Variants in SGMS1 observed in about 807,000 individuals in gnomAD.
SGMS1 encodes phosphatidylcholine:ceramide cholinephosphotransferase 1.
In SGMS1, 13 loss-of-function variants were observed where a neutral mutation model predicts 46.2. The ratio of observed to expected loss-of-function variants is 0.28; its 90% confidence interval spans 0.18 to 0.45. SGMS1 has a LOEUF of 0.45. Ranked by LOEUF, SGMS1 falls within the 20% of genes least tolerant of loss-of-function variation. SGMS1 has a pLI of 1.00. For synonymous variants in SGMS1, 203 were observed against 187.8 expected (o/e 1.08, Z -0.66); for missense variants, 324 against 519.9 (o/e 0.62, Z 3.66).
intron 6 of SGMS1, among the ~76,000 whole-genome samples, chr10:50,346,582 C>A (rs1456888571): frequency 2.6e-5 from 4 of 152,228 alleles, no homozygotes; most frequent in African/African-American, 9.6e-5. Context: ...GATGTTAAAA[C>A]CTCCAGGAAA....
chr10:50,360,198 C>A (rs1451924710), intron 6 of SGMS1, among the ~76,000 whole-genome samples: 3 of 152,056 alleles, frequency 2.0e-5, no homozygotes, highest in Non-Finnish European at 4.4e-5. Context: ...TTCATATTCC[C>A]AAGACATAAT....
At chr10:50,506,631 A>T (rs1837709177) in intron 3 of SGMS1, among the ~76,000 whole-genome samples, 1 of 152,224 alleles carries the variant, frequency 6.6e-6, no homozygotes, top group African/African-American at 2.4e-5. Context: ...TCCTAAGATC[A>T]CACAGGTCAC....
intron 3 of SGMS1, among the ~76,000 whole-genome samples, chr10:50,472,650 T>C (rs1837388680): frequency 6.6e-6 from 1 of 152,316 alleles, no homozygotes; most frequent in East Asian, 1.9e-4. Flanking sequence ...AGTGCACATA[T>C]CTCTTCTACA....
chr10:50,521,305 A>T (rs905393290), intron 2 of SGMS1, among the ~76,000 whole-genome samples: 1 of 152,072 alleles, frequency 6.6e-6, no homozygotes, highest in Non-Finnish European at 1.5e-5. Context: ...CTCACTGTCC[A>T]TTCATTCATT....
In SGMS1 at chr10:50,319,664, C is replaced by T. The variant is rs189350247; in HGVS notation, c.741+7541G>A. On this transcript the variant is annotated intron_variant, in intron 8 of 10. Transcript: ENST00000361781. Reference sequence around the variant, plus strand: ...TTGATTTGGTTTTATCTGAATGTTGCCTTCTGTTTAAATCCAGCTTAAACA... The same window carrying T: ...TTGATTTGGTTTTATCTGAATGTTGTCTTCTGTTTAAATCCAGCTTAAACA... Among the ~76,000 whole-genome samples, 15 of 152,186 alleles carry T rather than the reference C, an allele frequency of 9.9e-5. No homozygotes were observed. The East Asian group carries it at 2.3e-3, about 24-fold the overall frequency.
intron 6 of SGMS1, among the ~76,000 whole-genome samples, chr10:50,416,837 TAA>T (rs36028635): frequency 0.041 from 4,837 of 117,226 alleles, 107 homozygotes; most frequent in African/African-American, 0.08. Flanking sequence ...TTTATAGAAC[TAA>T]AAAAAAAAAA....
chr10:50,317,417 G>A (rs577954939), intron 8 of SGMS1, among the ~76,000 whole-genome samples: 17 of 152,282 alleles, frequency 1.1e-4, no homozygotes, highest in African/African-American at 3.1e-4. Flanking sequence ...GTTGGTGAGC[G>A]TAGTTGTTAC....
chr10:50,450,694 T>C (rs1837095918), intron 5 of SGMS1, among the ~76,000 whole-genome samples: 2 of 152,022 alleles, frequency 1.3e-5, no homozygotes, highest in South Asian at 4.2e-4. Context: ...TATAAAAAAA[T>C]TATCAAGTGA....
At chr10:50,350,823 C>A (rs1010838391) in intron 6 of SGMS1, among the ~76,000 whole-genome samples, 4 of 152,160 alleles carry the variant, frequency 2.6e-5, no homozygotes. Flanking sequence ...TGCAGGGGCC[C>A]GGCCCTCATG....
intron 6 of SGMS1, among the ~76,000 whole-genome samples, chr10:50,362,089 C>T (rs1848258160): frequency 6.6e-6 from 1 of 152,086 alleles, no homozygotes. Flanking sequence ...TAGATGTTTC[C>T]TGAATACCTA....
chr10:50,356,670 A>G (rs1327167706), intron 6 of SGMS1, among the ~76,000 whole-genome samples: 1 of 152,136 alleles, frequency 6.6e-6, no homozygotes, highest in Non-Finnish European at 1.5e-5. Flanking sequence ...TATAATGAAT[A>G]TAGATTTTAA....
chr10:50,327,122 GT>G, intron 8 of SGMS1, 82 bp downstream of exon 8: 1 of 785,428 alleles, frequency 1.3e-6, no homozygotes. Flanking sequence ...CTGAAGAAAC[GT>G]TTTCCTGCAA....
At chr10:50,368,387 C>T (rs764590967) in intron 6 of SGMS1, among the ~76,000 whole-genome samples, 3 of 152,174 alleles carry the variant, frequency 2.0e-5, no homozygotes, top group African/African-American at 4.8e-5. Flanking sequence ...GCCGGAGTCT[C>T]GATCTGTCAC....
chr10:50,583,456 G>C (rs1211727098), intron 2 of SGMS1, among the ~76,000 whole-genome samples: 2 of 152,182 alleles, frequency 1.3e-5, no homozygotes, highest in African/African-American at 2.4e-5. Flanking sequence ...TCAGGCCCTG[G>C]AGTGAAGCAC....
chr10:50,505,677 C>G (rs1837700500), intron 3 of SGMS1, among the ~76,000 whole-genome samples: 1 of 152,168 alleles, frequency 6.6e-6, no homozygotes, highest in Non-Finnish European at 1.5e-5. Flanking sequence ...AAAACAAAGA[C>G]CTCTGCCCTC....
chr10:50,605,835 G>T (rs745940075), intron 1 of SGMS1, among the ~76,000 whole-genome samples: 3 of 152,066 alleles, frequency 2.0e-5, no homozygotes, highest in Non-Finnish European at 4.4e-5. Context: ...GGCTTTTAGG[G>T]TATCCATCCC....
chr10:50,566,473 A>C (rs1219617893), intron 2 of SGMS1, among the ~76,000 whole-genome samples: 1 of 152,110 alleles, frequency 6.6e-6, no homozygotes, highest in East Asian at 1.9e-4. Flanking sequence ...TTTCTCTCTG[A>C]TTCTTGTATA....
At chr10:50,341,389 G>A (rs1847819060) in intron 7 of SGMS1, 2 of 455,866 alleles carry the variant, frequency 4.4e-6, no homozygotes, top group Non-Finnish European at 8.8e-6. Context: ...CAGGGTGGAC[G>A]ATGCTTAGGA....
At chr10:50,526,997 G>A (rs1465334090) in intron 2 of SGMS1, among the ~76,000 whole-genome samples, 1 of 150,448 alleles carries the variant, frequency 6.6e-6, no homozygotes, top group Non-Finnish European at 1.5e-5. Flanking sequence ...CCTGTGAGGT[G>A]GAGGTTGCAG....
Sources: allele counts gnomAD v4.1 joint callset (sites outside exome capture counted in the v4.1 genomes callset), GRCh38; gene constraint gnomAD v4.1.1; transcripts MANE v1.5; gene names NCBI Gene and HGNC (gene_info 2026-07-23, HGNC 2026-07-21).